ALMS1: variants seen among roughly 807,000 people sequenced by gnomAD.
ALMS1 encodes ALMS1 centrosome and basal body associated protein, also known as centrosome-associated protein ALMS1.
Under a neutral mutation model 352.2 loss-of-function variants are expected in ALMS1, and 271 were observed. That is an observed-to-expected ratio of 0.77 (90% CI 0.70 to 0.85). The LOEUF (loss-of-function observed/expected upper bound fraction) is 0.85. Ranked by LOEUF, ALMS1 falls within the 40% of genes least tolerant of loss-of-function variation. ALMS1 has a pLI of 0.00. For synonymous variants in ALMS1, 1,865 were observed against 1,761.2 expected, an observed-to-expected ratio of 1.06 and a Z score of -1.48; for missense variants, 5,445 against 4,870.7, an observed-to-expected ratio of 1.12 and a Z score of -3.51.
intron 1 of ALMS1, among the ~76,000 whole-genome samples, chr2:73,407,214 T>C (rs947821098): frequency 6.6e-6 from 1 of 152,112 alleles, no homozygotes; most frequent in Non-Finnish European, 1.5e-5. Flanking sequence ...CCTCTTCTTA[T>C]AAAGCTACCA....
intron 12 of ALMS1, among the ~76,000 whole-genome samples, chr2:73,538,321 C>A (rs942416481): frequency 6.6e-6 from 1 of 152,114 alleles, no homozygotes; most frequent in Non-Finnish European, 1.5e-5. Context: ...TATCATTAAT[C>A]ATGAGGGAAA....
rs778528158 is a variant in ALMS1 at position 73,448,613 on chromosome 2, TC to T, written c.2087del (p.Ser696Ter). 6.2e-7 allele frequency: 1 copy of T among 1,612,546 alleles called. No individual in the cohort carries two copies. The highest frequency in any genetic ancestry group is 8.5e-7 in the Non-Finnish European group (1 of 1,179,434). ...GHLTDQALKV[S>X]AVSGPADQKT... ...TCTAACTGATCAGGCTCTGAAAGTCTCAGCTGTGTCTGGACCAGCTGACCAG... is the reference window on the plus strand; with the variant it reads ...TCTAACTGATCAGGCTCTGAAAGTCTAGCTGTGTCTGGACCAGCTGACCAG... On this transcript the variant is annotated frameshift_variant, in exon 8 of 23. Coordinates refer to ENST00000613296, the MANE Select transcript of ALMS1 (RefSeq NM_001378454.1). LOFTEE classifies it high-confidence loss of function.
chr2:73,587,497 A>T (rs1573042774), intron 16 of ALMS1, among the ~76,000 whole-genome samples: 3 of 152,112 alleles, frequency 2.0e-5, no homozygotes, highest in African/African-American at 7.2e-5. Context: ...GTGATGCTGA[A>T]TTTTGCCAGA....
chr2:73,430,770 A>G (rs2103731208), intron 6 of ALMS1, among the ~76,000 whole-genome samples: 1 of 152,318 alleles, frequency 6.6e-6, no homozygotes, highest in South Asian at 2.1e-4. Flanking sequence ...AGTAGGCTAC[A>G]CAGTTGTAGG....
chr2:73,607,330 T>C (rs1675838049), intron 21 of ALMS1, among the ~76,000 whole-genome samples: 1 of 152,212 alleles, frequency 6.6e-6, no homozygotes, highest in Non-Finnish European at 1.5e-5. Context: ...CATAATCTAT[T>C]TAACTGTTGT....
Position 73,452,568 on chromosome 2 carries a change from C to T in ALMS1, c.6041C>T (p.Ala2014Val). ...PDDQKTEFPA[A>V]TLSSYSQIEK... is the part of the protein sequence containing the mutation. ...GACCAGAAAACTGAGTTTCCAGCAGCTACCCTTAGTTCCTACTCACAAATA... is the reference window on the plus strand; with the variant it reads ...GACCAGAAAACTGAGTTTCCAGCAGTTACCCTTAGTTCCTACTCACAAATA... The change falls in exon 8 of 23, where the codon GCT (alanine) becomes GTT (valine). Residue 2014 changes from alanine to valine, a missense_variant. Coordinates refer to ENST00000613296, the MANE Select transcript of ALMS1 (RefSeq NM_001378454.1). 2 of 1,614,084 alleles carry T rather than the reference C, an allele frequency of 1.2e-6. No individual in the cohort carries two copies. The highest frequency in any genetic ancestry group is 1.7e-6 in the Non-Finnish European group (2 of 1,179,996).
chr2:73,447,643 C>A (rs1019014094), intron 7 of ALMS1, among the ~76,000 whole-genome samples: 4 of 152,116 alleles, frequency 2.6e-5, no homozygotes, highest in African/African-American at 9.7e-5. Flanking sequence ...AGGGTGAAAT[C>A]AAATCCTAGA....
At chr2:73,576,190 C>T (rs1170323800) in intron 16 of ALMS1, among the ~76,000 whole-genome samples, 3 of 152,134 alleles carry the variant, frequency 2.0e-5, no homozygotes, top group African/African-American at 7.2e-5. Context: ...CTTTATGCCA[C>T]TACTGCACTG....
At chr2:73,548,802 T>C (rs1402459843) in intron 12 of ALMS1, among the ~76,000 whole-genome samples, 3 of 152,192 alleles carry the variant, frequency 2.0e-5, no homozygotes, top group Non-Finnish European at 4.4e-5. Flanking sequence ...GTCATCAGCA[T>C]ATACCTTGGT....
intron 1 of ALMS1, among the ~76,000 whole-genome samples, chr2:73,401,363 G>A (rs1670868199): frequency 6.6e-6 from 1 of 152,082 alleles, no homozygotes; most frequent in Admixed American, 6.6e-5. Flanking sequence ...TACATTCGGT[G>A]TTATAAATTT....
chr2:73,583,430 T>A (rs1250009867), intron 16 of ALMS1, among the ~76,000 whole-genome samples: 1 of 152,184 alleles, frequency 6.6e-6, no homozygotes, highest in African/African-American at 2.4e-5. Context: ...TTGTAAATAT[T>A]TTCTCCCATT....
At chr2:73,387,960 C>A (rs1436819584) in intron 1 of ALMS1, among the ~76,000 whole-genome samples, 1 of 152,054 alleles carries the variant, frequency 6.6e-6, no homozygotes, top group Non-Finnish European at 1.5e-5. Context: ...GTGAAGTAGC[C>A]AGGTGTTAGG....
At chr2:73,472,398 A>G (rs959541805) in intron 9 of ALMS1, among the ~76,000 whole-genome samples, 5 of 152,122 alleles carry the variant, frequency 3.3e-5, no homozygotes, top group African/African-American at 1.2e-4. Flanking sequence ...ATAGTAGAAT[A>G]ATACCTCAAA....
chr2:73,550,318 G>A lies in ALMS1; in HGVS notation c.9959G>A (p.Arg3320Lys). 1 of 1,614,166 alleles carries A rather than the reference G, an allele frequency of 6.2e-7. No individual in the cohort carries two copies. The highest frequency in any genetic ancestry group is 8.5e-7 in the Non-Finnish European group (1 of 1,180,022). ...PDFPAQVLGT[R>K]DDDLSATVNI... ...TTCCCAGCTCAGGTGCTAGGCACAA[G>A]AGATGATGACCTCTCAGCCACTGTT... is the stretch of plus-strand genomic sequence containing the variant. The change falls in exon 13 of 23, where the codon AGA (arginine) becomes AAA (lysine). Residue 3320 changes from arginine (R) to lysine (K), a missense_variant. Transcript: ENST00000613296.
chr2:73,517,225 TG>T (rs1277842795), intron 10 of ALMS1, among the ~76,000 whole-genome samples: 5 of 146,004 alleles, frequency 3.4e-5, no homozygotes. Context: ...TATTTTCAAG[TG>T]ATTTTTTGAA....
intron 12 of ALMS1, among the ~76,000 whole-genome samples, chr2:73,539,056 C>A (rs1316538842): frequency 6.6e-6 from 1 of 152,172 alleles, no homozygotes; most frequent in African/African-American, 2.4e-5. Context: ...CAGCACACAG[C>A]TGGAGATCTG....
intron 9 of ALMS1, among the ~76,000 whole-genome samples, chr2:73,481,783 G>A (rs1672710810): frequency 6.6e-6 from 1 of 150,980 alleles, no homozygotes; most frequent in Non-Finnish European, 1.5e-5. Flanking sequence ...TCCTTGAAGA[G>A]GTCCTTCACA....
intron 21 of ALMS1, among the ~76,000 whole-genome samples, chr2:73,608,001 C>T (rs1675851651): frequency 6.6e-6 from 1 of 152,054 alleles, no homozygotes; most frequent in African/African-American, 2.4e-5. Context: ...CTATAATTTC[C>T]TCTCTGGAGC....
intron 19 of ALMS1, among the ~76,000 whole-genome samples, chr2:73,601,765 G>T (rs1368568990): frequency 6.6e-6 from 1 of 152,226 alleles, no homozygotes; most frequent in African/African-American, 2.4e-5. Flanking sequence ...CCTCATGTGT[G>T]TTCCTCCATG....
Sources: gnomAD v4.1 joint callset for allele counts (sites outside exome capture counted in the v4.1 genomes callset) on GRCh38, gnomAD v4.1.1 for gene constraint, MANE v1.5 for transcripts, NCBI Gene and HGNC (gene_info 2026-07-23, HGNC 2026-07-21) for gene names.